Variants in ST8SIA5 observed in about 807,000 individuals in gnomAD.
ST8SIA5 encodes the protein ST8 alpha-N-acetyl-neuraminide alpha-2,8-sialyltransferase 5, also known as alpha-2,8-sialyltransferase 8E.
Under a neutral mutation model 40.2 loss-of-function variants are expected in ST8SIA5, and 24 were observed. The observed-to-expected ratio is 0.60, with a 90% confidence interval of 0.43 to 0.84. ST8SIA5 has a LOEUF of 0.84. Among genes scored for constraint, ST8SIA5 ranks in the 40% least tolerant of loss-of-function variants. The pLI, the probability that ST8SIA5 is intolerant of heterozygous loss-of-function variation, is 0.00. For missense variants in ST8SIA5, 465 were observed against 498.5 expected (o/e 0.93, Z 0.64); for synonymous variants, 198 against 201.8 (o/e 0.98, Z 0.16).
chr18:46,754,885 G>C (rs577772414), intron 1 of ST8SIA5, among the ~76,000 whole-genome samples: 131 of 152,354 alleles, frequency 8.6e-4, no homozygotes, highest in African/African-American at 3.1e-3. Flanking sequence ...GCAGGCAATC[G>C]GCCTGCAGGG....
At chr18:46,731,231 A>G (rs1237680243) in intron 1 of ST8SIA5, among the ~76,000 whole-genome samples, 1 of 152,258 alleles carries the variant, frequency 6.6e-6, no homozygotes, top group East Asian at 1.9e-4. Flanking sequence ...TTCAATAGTA[A>G]AAACATTTTA....
chr18:46,736,639 T>A (rs796278592), intron 1 of ST8SIA5, among the ~76,000 whole-genome samples: 1 of 152,186 alleles, frequency 6.6e-6, no homozygotes, highest in Admixed American at 6.5e-5. Context: ...TTAGGAAGTA[T>A]TGATCCTTTG....
intron 1 of ST8SIA5, among the ~76,000 whole-genome samples, chr18:46,753,355 A>G (rs1194878273): frequency 2.0e-5 from 3 of 152,082 alleles, no homozygotes; most frequent in African/African-American, 7.2e-5. Context: ...GGCGGATCAC[A>G]AGGTCAGGAG....
chr18:46,695,193 G>A (rs956161669), intron 2 of ST8SIA5, among the ~76,000 whole-genome samples: 1 of 151,630 alleles, frequency 6.6e-6, no homozygotes, highest in Non-Finnish European at 1.5e-5. Flanking sequence ...TTTAAAAAAA[G>A]GGTTCATTTT....
At chr18:46,689,510 C>T (rs1257962786) in intron 3 of ST8SIA5, among the ~76,000 whole-genome samples, 1 of 151,708 alleles carries the variant, frequency 6.6e-6, no homozygotes, top group Non-Finnish European at 1.5e-5. Context: ...AGGCTTGGCT[C>T]TTCTACCTCT....
At chr18:46,734,369 G>A (rs2040014148) in intron 1 of ST8SIA5, among the ~76,000 whole-genome samples, 1 of 152,044 alleles carries the variant, frequency 6.6e-6, no homozygotes, top group African/African-American at 2.4e-5. Context: ...GAGGAACGGA[G>A]AGACCCCCAA....
chr18:46,719,691 T>TTTCTTTCTTTCTTTCTTTCTTTCTTTCC (rs2039835250), intron 1 of ST8SIA5, among the ~76,000 whole-genome samples: 1 of 145,156 alleles, frequency 6.9e-6, no homozygotes, highest in South Asian at 2.3e-4. Context: ...TTTTTCTTTC[T>TTTCTTTCTTTCTTTCTTTCTTTCTTTCC]TTCTTTCTTT....
chr18:46,719,682 T>TTTTCTTTCTTTCTTTCTTTCTTTCTTC, intron 1 of ST8SIA5, among the ~76,000 whole-genome samples: 1 of 107,064 alleles, frequency 9.3e-6, no homozygotes, highest in Non-Finnish European at 1.9e-5. Context: ...TTCTTTTCTT[T>TTTTCTTTCTTTCTTTCTTTCTTTCTTC]TTTCTTTCTT....
intron 1 of ST8SIA5, among the ~76,000 whole-genome samples, chr18:46,738,385 C>T (rs1240940320): frequency 2.0e-5 from 3 of 152,050 alleles, no homozygotes; most frequent in African/African-American, 7.3e-5. Flanking sequence ...CAGGGCTGGG[C>T]ATATGGCAGG....
chr18:46,746,802 C>T (rs1295697068), intron 1 of ST8SIA5, among the ~76,000 whole-genome samples: 1 of 151,990 alleles, frequency 6.6e-6, no homozygotes, highest in Non-Finnish European at 1.5e-5. Flanking sequence ...AGACACCACG[C>T]TACCTGACTT....
At chr18:46,736,692 A>AG (rs1171845239) in intron 1 of ST8SIA5, among the ~76,000 whole-genome samples, 3 of 152,070 alleles carry the variant, frequency 2.0e-5, no homozygotes, top group African/African-American at 7.2e-5. Context: ...TGGAGGAGTG[A>AG]GGGGAGGGAG....
intron 1 of ST8SIA5, among the ~76,000 whole-genome samples, chr18:46,713,952 A>G (rs1229960606): frequency 6.6e-6 from 1 of 152,156 alleles, no homozygotes; most frequent in Non-Finnish European, 1.5e-5. Flanking sequence ...GGGCAAGTGG[A>G]GAGGATGGGA....
intron 1 of ST8SIA5, among the ~76,000 whole-genome samples, chr18:46,719,682 T>TC (rs138438614): frequency 6.5e-5 from 7 of 107,158 alleles, no homozygotes; most frequent in South Asian, 7.6e-4. Context: ...TTCTTTTCTT[T>TC]TTTCTTTCTT....
chr18:46,754,290 C>T (rs1302045030), intron 1 of ST8SIA5, among the ~76,000 whole-genome samples: 2 of 152,084 alleles, frequency 1.3e-5, no homozygotes, highest in Admixed American at 6.5e-5. Context: ...GATGTGCATG[C>T]CCCCTGCCCC....
At chr18:46,690,951 C>T (rs1254614731) in intron 3 of ST8SIA5, among the ~76,000 whole-genome samples, 1 of 152,212 alleles carries the variant, frequency 6.6e-6, no homozygotes, top group East Asian at 1.9e-4. Context: ...TAAGTCTGGA[C>T]AACAGGCTTT....
intron 2 of ST8SIA5, among the ~76,000 whole-genome samples, chr18:46,696,605 A>C (rs1180318523): frequency 6.6e-6 from 1 of 152,224 alleles, no homozygotes; most frequent in African/African-American, 2.4e-5. Context: ...TTTATCTGTA[A>C]GTTGGATATA....
At chr18:46,743,898 G>A (rs2040111997) in intron 1 of ST8SIA5, among the ~76,000 whole-genome samples, 1 of 152,148 alleles carries the variant, frequency 6.6e-6, no homozygotes, top group Non-Finnish European at 1.5e-5. Flanking sequence ...GAAGAGAGTG[G>A]GGGCCAATAT....
intron 1 of ST8SIA5, chr18:46,730,358 C>T (rs2039974207): frequency 1.6e-6 from 1 of 636,348 alleles, no homozygotes. Context: ...AGGATATAAA[C>T]AGTCTACAAA....
chr18:46,733,799 G>A (rs2084388544), intron 1 of ST8SIA5, among the ~76,000 whole-genome samples: 1 of 152,154 alleles, frequency 6.6e-6, no homozygotes, highest in Admixed American at 6.5e-5. Context: ...GCTTTCACTG[G>A]GGCCAAGTGA....
Sources: allele counts gnomAD v4.1 joint callset (sites outside exome capture counted in the v4.1 genomes callset), GRCh38; gene constraint gnomAD v4.1.1; transcripts MANE v1.5; gene names NCBI Gene and HGNC (gene_info 2026-07-23, HGNC 2026-07-21).